HLCS: variants seen among roughly 807,000 people sequenced by gnomAD.
The protein encoded by HLCS is holocarboxylase synthetase.
In HLCS, 53 loss-of-function variants were observed where a neutral mutation model predicts 75.0. The ratio of observed to expected loss-of-function variants is 0.71; its 90% CI spans 0.57 to 0.89. HLCS has a LOEUF of 0.89. HLCS is among the 40% of genes least tolerant of loss of function. The pLI, the probability that HLCS is intolerant of heterozygous loss-of-function variation, is 0.00. For missense variants in HLCS, 966 were observed against 1,074.0 expected, an observed-to-expected ratio of 0.90 and a Z score of 1.41; for synonymous variants, 431 against 428.6, an observed-to-expected ratio of 1.01 and a Z score of -0.07.
chr21:36,897,708 AGCT>A (rs1458712465), intron 5 of HLCS, among the ~76,000 whole-genome samples: 2 of 152,212 alleles, frequency 1.3e-5, no homozygotes, highest in Admixed American at 6.5e-5. Flanking sequence ...GGTACCCCAA[AGCT>A]GCTTTCTGTT....
chr21:36,867,663 G>T (rs118010837), intron 6 of HLCS, among the ~76,000 whole-genome samples: 3 of 152,196 alleles, frequency 2.0e-5, no homozygotes, highest in Non-Finnish European at 2.9e-5. Flanking sequence ...AGACGGCAGA[G>T]CCCCTGTCAG....
intron 6 of HLCS, among the ~76,000 whole-genome samples, chr21:36,807,194 C>T (rs532700344): frequency 2.6e-5 from 4 of 152,082 alleles, no homozygotes; most frequent in African/African-American, 4.8e-5. Context: ...GAGAGGCTTA[C>T]GCAAGAGCAT....
intron 6 of HLCS, among the ~76,000 whole-genome samples, chr21:36,814,501 G>A (rs1007332728): frequency 6.6e-6 from 1 of 152,160 alleles, no homozygotes; most frequent in African/African-American, 2.4e-5. Context: ...AATGAACAGG[G>A]CATCCCGGAT....
At chr21:36,831,191 A>G (rs2062197518) in intron 6 of HLCS, among the ~76,000 whole-genome samples, 1 of 152,148 alleles carries the variant, frequency 6.6e-6, no homozygotes, top group African/African-American at 2.4e-5. Context: ...TTGTTTCCTG[A>G]TATTAAATCA....
At chr21:36,958,100 G>C (rs368481681) in intron 2 of HLCS, among the ~76,000 whole-genome samples, 1 of 151,274 alleles carries the variant, frequency 6.6e-6, no homozygotes, top group Admixed American at 6.6e-5. Context: ...TAAATTAGCC[G>C]GATGTGGCAG....
chr21:36,957,233 G>A (rs1413456367), intron 2 of HLCS, among the ~76,000 whole-genome samples: 1 of 152,068 alleles, frequency 6.6e-6, no homozygotes, highest in Non-Finnish European at 1.5e-5. Flanking sequence ...CCTATAGTGA[G>A]TGAGTTCTCA....
intron 6 of HLCS, among the ~76,000 whole-genome samples, chr21:36,806,662 C>T (rs898159076): frequency 2.0e-5 from 3 of 152,154 alleles, no homozygotes; most frequent in African/African-American, 7.2e-5. Context: ...TCCCAGAAGA[C>T]TAAATGTGGG....
chr21:36,864,955 A>G (rs1258624558), intron 6 of HLCS, among the ~76,000 whole-genome samples: 1 of 152,186 alleles, frequency 6.6e-6, no homozygotes, highest in Non-Finnish European at 1.5e-5. Flanking sequence ...TGCCTTATCT[A>G]TCATTAAAAA....
intron 1 of HLCS, among the ~76,000 whole-genome samples, chr21:36,964,386 G>A (rs2068461404): frequency 6.6e-6 from 1 of 152,212 alleles, no homozygotes; most frequent in Admixed American, 6.5e-5. Flanking sequence ...AAATGGTCAA[G>A]CTTTCCACCT....
chr21:36,856,800 A>C (rs1359852894), intron 6 of HLCS, among the ~76,000 whole-genome samples: 2 of 152,234 alleles, frequency 1.3e-5, no homozygotes, highest in Non-Finnish European at 2.9e-5. Flanking sequence ...GGTATGAGCC[A>C]GTGCATGAAA....
Position 36,849,993 on chromosome 21 carries a change from T to G in HLCS, c.1892+46867A>C, listed in dbSNP as rs536888738. ...CTTATCTCATGGTTTATACTTGATTTTGTTCCTTTCAACTTTCTTCTTTTC... is the reference window on the plus strand; with the variant it reads ...CTTATCTCATGGTTTATACTTGATTGTGTTCCTTTCAACTTTCTTCTTTTC... On this transcript the variant is annotated intron_variant, in intron 6 of 10. Coordinates refer to ENST00000674895, the MANE Select transcript of HLCS (RefSeq NM_001352514.2). 2.6e-5 allele frequency among the ~76,000 whole-genome samples: 4 copies of G among 152,318 alleles called. No homozygotes were observed. The South Asian group carries it at 8.3e-4, about 32-fold the overall frequency.
intron 5 of HLCS, among the ~76,000 whole-genome samples, chr21:36,898,502 G>A (rs1413901100): frequency 1.3e-5 from 2 of 149,848 alleles, no homozygotes; most frequent in Admixed American, 1.3e-4. Flanking sequence ...AAATCCAGGG[G>A]ATAAAACATT....
At position 36,876,749 on chromosome 21, in the gene HLCS, T is replaced by C. The variant is rs116349767; in HGVS notation, c.1892+20111A>G. Among the ~76,000 whole-genome samples, 399 of 152,298 alleles carry C rather than the reference T, an allele frequency of 2.6e-3. 3 individuals carry two copies. The highest frequency in any genetic ancestry group is 9.4e-3 in the African/African-American group (392 of 41,570). ...GCAAGGTATAGTGTTCTGGAAGTAT[T>C]AGGTATCAGGAAGGTGAAAGTGGTT... is the stretch of plus-strand genomic sequence containing the variant. On this transcript the variant is annotated intron_variant, in intron 6 of 10. Coordinates refer to ENST00000674895, the MANE Select transcript of HLCS (RefSeq NM_001352514.2).
At chr21:36,767,717 C>T (rs2090090311) in intron 6 of HLCS, among the ~76,000 whole-genome samples, 1 of 152,012 alleles carries the variant, frequency 6.6e-6, no homozygotes. Context: ...AACACTAGAA[C>T]ACAATCATAA....
intron 1 of HLCS, among the ~76,000 whole-genome samples, chr21:36,965,934 G>GTTTTA (rs1209418401): frequency 6.6e-6 from 1 of 151,786 alleles, no homozygotes; most frequent in Non-Finnish European, 1.5e-5. Flanking sequence ...TTTTTGTTTT[G>GTTTTA]TTTTTTGTAG....
At chr21:36,840,585 T>C (rs2062581626) in intron 6 of HLCS, among the ~76,000 whole-genome samples, 6 of 152,182 alleles carry the variant, frequency 3.9e-5, no homozygotes, top group Admixed American at 3.9e-4. Context: ...TGAGACTAAA[T>C]TACAATTTTG....
intron 6 of HLCS, among the ~76,000 whole-genome samples, chr21:36,813,905 C>T (rs1322800546): frequency 6.6e-6 from 1 of 152,142 alleles, no homozygotes; most frequent in Non-Finnish European, 1.5e-5. Context: ...ACATAATAAG[C>T]CCAAACTCAA....
chr21:36,791,639 TA>T (rs1311536921), intron 6 of HLCS, among the ~76,000 whole-genome samples: 3 of 151,938 alleles, frequency 2.0e-5, no homozygotes, highest in Middle Eastern at 3.4e-3. Flanking sequence ...GTGAGAGAAA[TA>T]GGGGGTGATG....
intron 5 of HLCS, among the ~76,000 whole-genome samples, chr21:36,901,504 T>C (rs2146354012): frequency 6.6e-6 from 1 of 152,336 alleles, no homozygotes; most frequent in East Asian, 1.9e-4. Context: ...AAATCTATTC[T>C]TACAGTTTTG....
Sources: allele counts gnomAD v4.1 joint callset (sites outside exome capture counted in the v4.1 genomes callset), GRCh38; gene constraint gnomAD v4.1.1; transcripts MANE v1.5; gene names NCBI Gene and HGNC (gene_info 2026-07-23, HGNC 2026-07-21).